The following ANKFN1 variants were observed in gnomAD, a reference collection of about 807,000 sequenced individuals.
ANKFN1 encodes the protein ankyrin repeat and fibronectin type-III domain-containing protein 1.
ANKFN1 carries 74 observed loss-of-function variants against 108.7 expected under a neutral mutation model. The ratio of observed to expected loss-of-function variants is 0.68; its 90% CI spans 0.56 to 0.83. The LOEUF is 0.83. Ranked by LOEUF, ANKFN1 falls within the 40% of genes least tolerant of loss-of-function variation. ANKFN1 has a pLI of 0.00. For missense variants in ANKFN1, 1,505 were observed against 1,382.3 expected, an observed-to-expected ratio of 1.09 and a Z score of -1.41; for synonymous variants, 547 against 516.2, an observed-to-expected ratio of 1.06 and a Z score of -0.81.
intron 2 of ANKFN1, among the ~76,000 whole-genome samples, chr17:56,226,928 G>C (rs1486436155): frequency 6.6e-6 from 1 of 152,078 alleles, no homozygotes; most frequent in Non-Finnish European, 1.5e-5. Context: ...CAATCTCAGA[G>C]CATTGAACCA....
At chr17:56,156,768 C>A (rs1191915067) in intron 1 of ANKFN1, among the ~76,000 whole-genome samples, 1 of 152,196 alleles carries the variant, frequency 6.6e-6, no homozygotes, top group Non-Finnish European at 1.5e-5. Flanking sequence ...TACAGCCCCA[C>A]AGGGCAATCC....
chr17:56,141,419 G>T (rs1401512738), intron 4 of ANKFN1, among the ~76,000 whole-genome samples: 1 of 152,190 alleles, frequency 6.6e-6, no homozygotes, highest in Non-Finnish European at 1.5e-5. Context: ...CCTGACATTT[G>T]ACTCTAAAAT....
intron 1 of ANKFN1, among the ~76,000 whole-genome samples, chr17:56,203,705 T>C (rs1914252896): frequency 2.6e-5 from 4 of 152,308 alleles, no homozygotes; most frequent in African/African-American, 9.6e-5. Context: ...GTGATTTCAT[T>C]CATGTACAAA....
chr17:56,258,823 A>G (rs1428158741), intron 3 of ANKFN1, among the ~76,000 whole-genome samples: 1 of 152,148 alleles, frequency 6.6e-6, no homozygotes, highest in Non-Finnish European at 1.5e-5. Flanking sequence ...AGGCAGGAGA[A>G]TGGCGTGAAC....
chr17:56,175,048 GA>G (rs1215877079), intron 1 of ANKFN1, among the ~76,000 whole-genome samples: 9 of 151,788 alleles, frequency 5.9e-5, no homozygotes, highest in Non-Finnish European at 1.0e-4. Flanking sequence ...AGTAATACAG[GA>G]AAAAAACCTA....
At chr17:56,119,864 G>T (rs1286361410) in intron 4 of ANKFN1, among the ~76,000 whole-genome samples, 1 of 152,048 alleles carries the variant, frequency 6.6e-6, no homozygotes. Flanking sequence ...TTGCAATGAT[G>T]AGAAATAGCA....
At chr17:56,478,834 GC>G (rs1207149456) in intron 16 of ANKFN1, among the ~76,000 whole-genome samples, 3 of 152,052 alleles carry the variant, frequency 2.0e-5, no homozygotes, top group Non-Finnish European at 2.9e-5. Flanking sequence ...GATTTGCTTA[GC>G]CAAAGGAGAC....
intron 4 of ANKFN1, among the ~76,000 whole-genome samples, chr17:56,339,870 G>A (rs2045915675): frequency 6.6e-6 from 1 of 152,098 alleles, no homozygotes; most frequent in Non-Finnish European, 1.5e-5. Context: ...GGTCTTTGAG[G>A]AATCACCACA....
intron 1 of ANKFN1, among the ~76,000 whole-genome samples, chr17:56,197,987 G>A (rs761436493): frequency 1.1e-4 from 17 of 152,302 alleles, no homozygotes; most frequent in Non-Finnish European, 2.2e-4. Flanking sequence ...TCCAGCCTGG[G>A]CAACAGAAGG....
chr17:56,056,806 A>G (rs1904885191), intron 4 of ANKFN1, among the ~76,000 whole-genome samples: 1 of 152,268 alleles, frequency 6.6e-6, no homozygotes, highest in Non-Finnish European at 1.5e-5. Flanking sequence ...ATGCAACAAA[A>G]ATGAAAATAG....
intron 4 of ANKFN1, among the ~76,000 whole-genome samples, chr17:56,135,197 G>A (rs1907527793): frequency 6.6e-6 from 1 of 152,086 alleles, no homozygotes; most frequent in Non-Finnish European, 1.5e-5. Flanking sequence ...TTTTTATAAA[G>A]GCTATAGGTT....
At chr17:56,225,418 A>T (rs992731314) in intron 2 of ANKFN1, among the ~76,000 whole-genome samples, 1 of 152,166 alleles carries the variant, frequency 6.6e-6, no homozygotes, top group African/African-American at 2.4e-5. Flanking sequence ...GGACCTTTCT[A>T]TCTGGATTGA....
At chr17:56,404,456 AC>A (rs1288855228) in intron 8 of ANKFN1, among the ~76,000 whole-genome samples, 1 of 152,084 alleles carries the variant, frequency 6.6e-6, no homozygotes, top group Non-Finnish European at 1.5e-5. Context: ...TATTGCTGAG[AC>A]TTTCCAGAGC....
In ANKFN1 at chr17:56,508,639, TGGAG is replaced by T. The variant is rs547508775; in HGVS notation, c.2645-1829_2645-1826del. ...TAATACAGACATAGAGATGAATGAATGGAGGGAGAAAAATAAATGAAATGATGAT... is the reference window on the plus strand; with the variant it reads ...TAATACAGACATAGAGATGAATGAATGGAGAAAAATAAATGAAATGATGAT... On this transcript the variant is annotated intron_variant, in intron 20 of 20. Transcript: ENST00000682825. 6.6e-5 allele frequency among the ~76,000 whole-genome samples: 10 copies of T among 152,298 alleles called. 1 individual carries two copies. Among genetic ancestry groups the T allele is most frequent in the South Asian group, 4.1e-4 (2 of 4,824 alleles).
chr17:56,391,251 ATG>A (rs370505483), intron 8 of ANKFN1, among the ~76,000 whole-genome samples: 82,147 of 135,354 alleles, frequency 0.61, 28,231 homozygotes, highest in East Asian at 0.97. Flanking sequence ...ATATATATGT[ATG>A]TGTGTGTGTG....
chr17:56,446,139 T>C (rs562870043), intron 10 of ANKFN1, among the ~76,000 whole-genome samples: 3 of 152,340 alleles, frequency 2.0e-5, no homozygotes, highest in Admixed American at 6.5e-5. Flanking sequence ...AGCAATTTTC[T>C]AATGTATCAT....
chr17:56,206,076 A>C (rs1263377276), intron 1 of ANKFN1, among the ~76,000 whole-genome samples: 1 of 152,162 alleles, frequency 6.6e-6, no homozygotes, highest in Non-Finnish European at 1.5e-5. Context: ...AAAATACTTA[A>C]AGCTGATGAA....
At chr17:56,292,420 C>T (rs959548235) in intron 3 of ANKFN1, among the ~76,000 whole-genome samples, 1 of 152,058 alleles carries the variant, frequency 6.6e-6, no homozygotes, top group Non-Finnish European at 1.5e-5. Context: ...AAGGACCGTG[C>T]CTGGGGGAAA....
intron 8 of ANKFN1, among the ~76,000 whole-genome samples, chr17:56,430,992 A>C (rs1402947827): frequency 1.3e-5 from 2 of 152,228 alleles, no homozygotes; most frequent in Non-Finnish European, 2.9e-5. Context: ...GGTCGGAAGA[A>C]AGAGCATTTG....
Sources: gnomAD v4.1 joint callset for allele counts (sites outside exome capture counted in the v4.1 genomes callset) on GRCh38, gnomAD v4.1.1 for gene constraint, MANE v1.5 for transcripts, NCBI Gene and HGNC (gene_info 2026-07-23, HGNC 2026-07-21) for gene names.